GLIS3: variants seen among roughly 807,000 people sequenced by gnomAD.
GLIS3 encodes GLIS family zinc finger 3, also known as zinc finger protein GLIS3.
In GLIS3, 53 loss-of-function variants were observed where a neutral mutation model predicts 78.6. That is an observed-to-expected ratio of 0.67 (90% confidence interval 0.54 to 0.85). GLIS3 has a LOEUF of 0.85. GLIS3 is among the 40% of genes least tolerant of loss of function. GLIS3 has a pLI of 0.00. For missense variants in GLIS3, 1,703 were observed against 1,231.1 expected, an observed-to-expected ratio of 1.38 and a Z score of -5.74; for synonymous variants, 684 against 509.9, an observed-to-expected ratio of 1.34 and a Z score of -4.60.
At chr9:4,472,524 G>A in the GLIS3 span, among the ~76,000 whole-genome samples, 4 of 149,750 alleles carry the variant, frequency 2.7e-5, no homozygotes, top group South Asian at 4.2e-4. Flanking sequence ...AACAAACACT[G>A]CATATTCTCA....
chr9:4,044,746 C>G (rs1588525549), intron 4 of GLIS3, among the ~76,000 whole-genome samples: 1 of 152,176 alleles, frequency 6.6e-6, no homozygotes, highest in Non-Finnish European at 1.5e-5. Context: ...CACTAGCATG[C>G]TTTCTCATAT....
chr9:4,067,647 ACACT>A (rs1404028595), intron 4 of GLIS3, among the ~76,000 whole-genome samples: 1 of 152,224 alleles, frequency 6.6e-6, no homozygotes, highest in Non-Finnish European at 1.5e-5. Flanking sequence ...ACTAGAGCAA[ACACT>A]CACAAAGGGG....
intron 2 of GLIS3, among the ~76,000 whole-genome samples, chr9:4,338,160 A>G (rs1454081138): frequency 6.6e-6 from 1 of 152,144 alleles, no homozygotes; most frequent in Non-Finnish European, 1.5e-5. Context: ...TCTCCTGACT[A>G]GACAAGTTTC....
chr9:4,383,447 T>TA, the GLIS3 span, among the ~76,000 whole-genome samples: 1 of 152,240 alleles, frequency 6.6e-6, no homozygotes, highest in African/African-American at 2.4e-5. Context: ...CTGAGTCATT[T>TA]ATTATGTATC....
chr9:3,949,479 A>G (rs931131590), intron 4 of GLIS3, among the ~76,000 whole-genome samples: 1 of 152,214 alleles, frequency 6.6e-6, no homozygotes, highest in Non-Finnish European at 1.5e-5. Flanking sequence ...AAGAACCTAC[A>G]AGATTGCACA....
At chr9:4,274,555 G>A (rs900344191) in intron 2 of GLIS3, among the ~76,000 whole-genome samples, 3 of 152,202 alleles carry the variant, frequency 2.0e-5, no homozygotes, top group Non-Finnish European at 4.4e-5. Context: ...ATATTGGGTG[G>A]AAGTGGAAGA....
intron 4 of GLIS3, among the ~76,000 whole-genome samples, chr9:4,016,613 A>G (rs541392043): frequency 6.6e-6 from 1 of 152,300 alleles, no homozygotes; most frequent in Admixed American, 6.5e-5. Flanking sequence ...CTTGTTTGCA[A>G]TAACTGCCTT....
chr9:4,390,986 G>C, the GLIS3 span, among the ~76,000 whole-genome samples: 1 of 152,136 alleles, frequency 6.6e-6, no homozygotes, highest in South Asian at 2.1e-4. Context: ...CTCCACAAAG[G>C]CTTGCTTCCT....
the GLIS3 span, among the ~76,000 whole-genome samples, chr9:4,397,624 A>T: frequency 6.9e-6 from 1 of 145,264 alleles, no homozygotes; most frequent in African/African-American, 2.6e-5. Context: ...GCAATAAAAG[A>T]AGAAAGGAAG....
chr9:4,021,009 G>T (rs1226311186), intron 4 of GLIS3, among the ~76,000 whole-genome samples: 1 of 152,208 alleles, frequency 6.6e-6, no homozygotes. Context: ...CAGTTCAGAT[G>T]CAGGACTTGT....
intron 8 of GLIS3, among the ~76,000 whole-genome samples, chr9:3,871,627 G>C (rs979155713): frequency 6.6e-5 from 10 of 152,178 alleles, no homozygotes; most frequent in African/African-American, 2.4e-5. Context: ...CAGAGCTTCA[G>C]GCCCCTTTCA....
chr9:4,301,031 G>C (rs189145608), upstream of GLIS3, among the ~76,000 whole-genome samples: 1 of 152,138 alleles, frequency 6.6e-6, no homozygotes, highest in Admixed American at 6.5e-5. Flanking sequence ...GATCAAGACA[G>C]AAGTCCTCAA....
the GLIS3 span, among the ~76,000 whole-genome samples, chr9:4,447,401 T>C: frequency 1.3e-5 from 2 of 152,128 alleles, no homozygotes; most frequent in Non-Finnish European, 2.9e-5. Flanking sequence ...ACATTTCAAA[T>C]CTTATTTCTA....
chr9:4,258,478 T>C (rs1050760633), intron 2 of GLIS3, among the ~76,000 whole-genome samples: 1 of 152,192 alleles, frequency 6.6e-6, no homozygotes, highest in Non-Finnish European at 1.5e-5. Flanking sequence ...GAATTTGTCT[T>C]TGGGGCTTTG....
the GLIS3 span, among the ~76,000 whole-genome samples, chr9:4,385,270 C>T: frequency 6.6e-6 from 1 of 152,146 alleles, no homozygotes; most frequent in African/African-American, 2.4e-5. Flanking sequence ...TTTCCCAACC[C>T]CAAAGATAGA....
intron 2 of GLIS3, among the ~76,000 whole-genome samples, chr9:4,324,907 G>A (rs1004482388): frequency 2.0e-5 from 3 of 152,154 alleles, no homozygotes; most frequent in African/African-American, 7.2e-5. Flanking sequence ...ACCTTAGGTA[G>A]TATCTTTACG....
At chr9:3,833,212 T>C (rs1280961794) in intron 9 of GLIS3, among the ~76,000 whole-genome samples, 1 of 152,206 alleles carries the variant, frequency 6.6e-6, no homozygotes, top group Non-Finnish European at 1.5e-5. Flanking sequence ...GCATGTTTTA[T>C]CACTCTAACA....
At chr9:4,344,169 G>A (rs1453378602) in intron 2 of GLIS3, among the ~76,000 whole-genome samples, 1 of 151,506 alleles carries the variant, frequency 6.6e-6, no homozygotes, top group Non-Finnish European at 1.5e-5. Flanking sequence ...CACTTCTCTG[G>A]TCCCCTTTAC....
At position 4,280,209 on chromosome 9, in the gene GLIS3, A is replaced by C. The variant is rs180753495; in HGVS notation, c.388+5829T>G. Among the ~76,000 whole-genome samples the C allele has an allele frequency of 2.6e-5, 4 of 152,270 alleles. No homozygotes were observed. The East Asian group carries it at 7.7e-4, about 29-fold the overall frequency. On this transcript the variant is annotated intron_variant, in intron 2 of 10. Coordinates refer to ENST00000381971, the MANE Select transcript of GLIS3 (RefSeq NM_001042413.2). ...TAATTATTTTATTTTTTGTAGAGAG[A>C]GAGGGGTCTCACTTTGTTGCCCAGA...
Sources: gnomAD v4.1 joint callset for allele counts (sites outside exome capture counted in the v4.1 genomes callset) on GRCh38, gnomAD v4.1.1 for gene constraint, MANE v1.5 for transcripts, NCBI Gene and HGNC (gene_info 2026-07-23, HGNC 2026-07-21) for gene names.